CALN1: variants seen among roughly 807,000 people sequenced by gnomAD.
The protein encoded by CALN1 is calneuron 1, also known as calcium-binding protein 8.
In CALN1, 17 loss-of-function variants were observed where a neutral mutation model predicts 30.6. The ratio of observed to expected loss-of-function variants is 0.56; its 90% CI spans 0.38 to 0.83. The LOEUF is 0.83. CALN1 is among the 40% of genes least tolerant of loss of function. The pLI, the probability that CALN1 is intolerant of heterozygous loss-of-function variation, is 0.00. For missense variants in CALN1, 291 were observed against 354.9 expected, an observed-to-expected ratio of 0.82 and a Z score of 1.45; for synonymous variants, 156 against 131.4, an observed-to-expected ratio of 1.19 and a Z score of -1.28.
chr7:71,832,531 T>C (rs7777622), intron 5 of CALN1, among the ~76,000 whole-genome samples: 75,726 of 152,024 alleles, frequency 0.5, 19,671 homozygotes, highest in African/African-American at 0.65. Context: ...CCAAGGTGAC[T>C]GCTGAAAACC....
rs1788271134 is a variant in CALN1, at chr7:72,163,393, A to T, written c.245-57099T>A. On this transcript the variant is annotated intron_variant, in intron 3 of 6. Coordinates refer to ENST00000395275, the MANE Select transcript of CALN1 (RefSeq NM_031468.4). ...ACAAGAAAAAAACTTATTGGAGATT[A>T]AAAAAAAAAAAAAAAAACAGAAAAA... is the stretch of plus-strand genomic sequence containing the variant. 1.1e-4 allele frequency among the ~76,000 whole-genome samples: 5 copies of T among 44,802 alleles called. 1 individual carries two copies. The highest frequency in any genetic ancestry group is 1.7e-3 in the South Asian group (1 of 594). The allele number at this position is 44,802 out of a possible 152,430, so 29.4% of individuals were successfully genotyped here.
intron 2 of CALN1, among the ~76,000 whole-genome samples, chr7:72,380,667 GTGGATGGA>G (rs142371252): frequency 3.9e-5 from 6 of 151,910 alleles, no homozygotes; most frequent in East Asian, 1.9e-4. Context: ...CAGTGGGTTG[GTGGATGGA>G]TGGATGGATG....
At position 72,121,976 on chromosome 7, in the gene CALN1, T is replaced by C. The variant is rs1808430778; in HGVS notation, c.245-15682A>G. Among the ~76,000 whole-genome samples, 3 of 151,168 alleles carry C rather than the reference T, an allele frequency of 2.0e-5. No homozygotes were observed. The South Asian group carries it at 6.3e-4, about 31-fold the overall frequency. ...ACAGAAAGATCGACCTTTTCCCATGTTCCAGCAAACTCCACAGCAGCAGGA... is the reference window on the plus strand; with the variant it reads ...ACAGAAAGATCGACCTTTTCCCATGCTCCAGCAAACTCCACAGCAGCAGGA... On this transcript the variant is annotated intron_variant, in intron 3 of 6. Coordinates refer to ENST00000395275, the MANE Select transcript of CALN1 (RefSeq NM_031468.4).
intron 5 of CALN1, among the ~76,000 whole-genome samples, chr7:71,919,706 A>G (rs1794841328): frequency 6.6e-6 from 1 of 152,176 alleles, no homozygotes; most frequent in South Asian, 2.1e-4. Flanking sequence ...ACTATGGTGG[A>G]GTAAAGAGAG....
At chr7:72,325,671 C>G (rs1026746366) in intron 2 of CALN1, among the ~76,000 whole-genome samples, 1 of 152,022 alleles carries the variant, frequency 6.6e-6, no homozygotes, top group Non-Finnish European at 1.5e-5. Flanking sequence ...AATGCAGGAA[C>G]CAAGTCAGTT....
the CALN1 span, among the ~76,000 whole-genome samples, chr7:72,465,099 C>A: frequency 6.6e-6 from 1 of 152,174 alleles, no homozygotes; most frequent in Non-Finnish European, 1.5e-5. Context: ...AGGACGATAT[C>A]TCAGATGCCT....
At chr7:72,231,697 T>C (rs966166448) in intron 3 of CALN1, among the ~76,000 whole-genome samples, 1 of 152,118 alleles carries the variant, frequency 6.6e-6, no homozygotes, top group African/African-American at 2.4e-5. Flanking sequence ...TAGGTACCTA[T>C]AGGAAAAGAT....
chr7:72,186,885 C>CTTT (rs34604151), intron 3 of CALN1, among the ~76,000 whole-genome samples: 42 of 61,182 alleles, frequency 6.9e-4, no homozygotes, highest in South Asian at 1.7e-3. Flanking sequence ...GAGTGCAGAG[C>CTTT]TTTTTTTTTT....
intron 1 of CALN1, among the ~76,000 whole-genome samples, chr7:72,406,588 C>T (rs1806709734): frequency 4.0e-5 from 6 of 151,546 alleles, no homozygotes; most frequent in Admixed American, 3.3e-4. Context: ...GGGCTAATTC[C>T]TAGACCCACA....
At chr7:71,915,922 T>C (rs903731535) in intron 5 of CALN1, among the ~76,000 whole-genome samples, 4 of 152,122 alleles carry the variant, frequency 2.6e-5, no homozygotes, top group African/African-American at 7.2e-5. Flanking sequence ...TGCAGCAACA[T>C]GTGTCTAGCA....
intron 1 of CALN1, among the ~76,000 whole-genome samples, chr7:72,411,800 AAAGT>A (rs1264086340): frequency 6.9e-6 from 1 of 145,824 alleles, no homozygotes; most frequent in East Asian, 1.9e-4. Flanking sequence ...TTACTCTTTT[AAAGT>A]AATAAGAAAA....
At chr7:72,487,694 GAAAGAAAGAAAAGA>G in the CALN1 span, among the ~76,000 whole-genome samples, 1 of 90,232 alleles carries the variant, frequency 1.1e-5, no homozygotes, top group Non-Finnish European at 2.1e-5. Flanking sequence ...AGGAAAGAAA[GAAAGAAAGAAAAGA>G]AAAGAAAAGA....
At chr7:71,927,913 C>T (rs536631491) in intron 5 of CALN1, among the ~76,000 whole-genome samples, 2 of 152,098 alleles carry the variant, frequency 1.3e-5, no homozygotes, top group Non-Finnish European at 2.9e-5. Context: ...TCTTTAATGG[C>T]CTGGGTCAAA....
At chr7:72,335,120 A>G (rs371189571) in intron 2 of CALN1, among the ~76,000 whole-genome samples, 1 of 152,212 alleles carries the variant, frequency 6.6e-6, no homozygotes, top group Non-Finnish European at 1.5e-5. Flanking sequence ...CAGGTAGCAG[A>G]TAAAAATCAA....
chr7:72,403,600 C>T (rs1267630058), intron 1 of CALN1, among the ~76,000 whole-genome samples, 158 bp from the exon 2 acceptor site: 1 of 151,956 alleles, frequency 6.6e-6, no homozygotes, highest in East Asian at 1.9e-4. Flanking sequence ...ACAGTTGAGA[C>T]ACATGTTTAG....
At chr7:72,154,753 A>G (rs947186625) in intron 3 of CALN1, among the ~76,000 whole-genome samples, 3 of 152,136 alleles carry the variant, frequency 2.0e-5, no homozygotes, top group Admixed American at 6.6e-5. Context: ...TAATAAGAAG[A>G]GGAAGAGAGC....
chr7:72,308,372 GGAGAGAGA>G (rs150660773), intron 2 of CALN1, among the ~76,000 whole-genome samples: 1,119 of 92,586 alleles, frequency 0.012, 122 homozygotes, highest in African/African-American at 0.054. Flanking sequence ...TGTGGGGGGG[GGAGAGAGA>G]GAGAGAGAGA....
At chr7:72,433,739 T>G (rs1181837418) in intron 1 of CALN1, among the ~76,000 whole-genome samples, 1 of 152,082 alleles carries the variant, frequency 6.6e-6, no homozygotes, top group Non-Finnish European at 1.5e-5. Context: ...TGCTATCAAC[T>G]CAAAGATAGG....
At chr7:72,091,104 G>A (rs528379806) in intron 4 of CALN1, among the ~76,000 whole-genome samples, 8 of 152,248 alleles carry the variant, frequency 5.3e-5, no homozygotes, top group East Asian at 1.9e-4. Context: ...GAGGGTGGGC[G>A]GATCACCTGA....
Sources: gnomAD v4.1 joint callset for allele counts (sites outside exome capture counted in the v4.1 genomes callset) on GRCh38, gnomAD v4.1.1 for gene constraint, MANE v1.5 for transcripts, NCBI Gene and HGNC (gene_info 2026-07-23, HGNC 2026-07-21) for gene names.